TENM2: variants seen among roughly 807,000 people sequenced by gnomAD.
TENM2 encodes the protein teneurin transmembrane protein 2.
TENM2 carries 52 observed loss-of-function variants against 245.2 expected under a neutral mutation model. The observed-to-expected ratio is 0.21, with a 90% CI of 0.17 to 0.27. The LOEUF (loss-of-function observed/expected upper bound fraction) is 0.27. Among genes scored for constraint, TENM2 ranks in the 10% least tolerant of loss-of-function variants. TENM2 has a pLI of 1.00. For missense variants in TENM2, 3,046 were observed against 3,666.8 expected, an observed-to-expected ratio of 0.83 and a Z score of 4.37; for synonymous variants, 1,363 against 1,438.9, an observed-to-expected ratio of 0.95 and a Z score of 1.19.
At chr5:167,186,689 A>G in the TENM2 span, among the ~76,000 whole-genome samples, 1 of 152,206 alleles carries the variant, frequency 6.6e-6, no homozygotes, top group African/African-American at 2.4e-5. Flanking sequence ...TGTGTCCTAT[A>G]TGGAGAAATA....
At chr5:167,897,359 A>C (rs1031623018) in intron 3 of TENM2, among the ~76,000 whole-genome samples, 15 of 152,106 alleles carry the variant, frequency 9.9e-5, no homozygotes, top group Admixed American at 1.3e-4. Context: ...AGTGCTCACA[A>C]TCAAGACAGC....
At chr5:167,762,191 A>T (rs1187445639) in intron 2 of TENM2, among the ~76,000 whole-genome samples, 1 of 152,148 alleles carries the variant, frequency 6.6e-6, no homozygotes, top group Non-Finnish European at 1.5e-5. Flanking sequence ...ACGTGCATGG[A>T]TACGCAGCTC....
chr5:167,219,686 G>A, the TENM2 span, among the ~76,000 whole-genome samples: 5 of 152,216 alleles, frequency 3.3e-5, no homozygotes, highest in Non-Finnish European at 7.3e-5. Flanking sequence ...TTAGTTTAAA[G>A]TATGTGAACC....
the TENM2 span, among the ~76,000 whole-genome samples, chr5:167,207,487 T>A: frequency 3.3e-5 from 5 of 152,242 alleles, no homozygotes; most frequent in Non-Finnish European, 7.3e-5. Flanking sequence ...TTCATTTTTT[T>A]AAAATGCTGT....
chr5:167,296,512 T>C (rs914404297), intron 1 of TENM2: 9 of 151,800 alleles, frequency 5.9e-5, no homozygotes, highest in Non-Finnish European at 1.0e-4. Flanking sequence ...AACTGGAGCA[T>C]TGATGGAAGG....
intron 1 of TENM2, among the ~76,000 whole-genome samples, chr5:167,285,750 A>G (rs1002861562): frequency 2.0e-5 from 3 of 152,232 alleles, no homozygotes; most frequent in African/African-American, 4.8e-5. Context: ...TCCATGTCTT[A>G]CTAGTCCCAG....
At chr5:168,257,505 G>A (rs1203611593) in intron 27 of TENM2, among the ~76,000 whole-genome samples, 4 of 152,334 alleles carry the variant, frequency 2.6e-5, no homozygotes, top group Admixed American at 6.5e-5. Context: ...CAGACAGGTC[G>A]TGGAGAGGGC....
At chr5:167,286,506 G>A (rs1375190916) in intron 1 of TENM2, among the ~76,000 whole-genome samples, 2 of 152,132 alleles carry the variant, frequency 1.3e-5, no homozygotes, top group Non-Finnish European at 1.5e-5. Context: ...CTGAGAGAGA[G>A]CTTACATTTC....
the TENM2 span, among the ~76,000 whole-genome samples, chr5:167,252,586 T>G: frequency 6.6e-6 from 1 of 152,136 alleles, no homozygotes. Context: ...GGGTTATACC[T>G]GGAAACTGTA....
chr5:167,860,043 G>A (rs1359848785), intron 2 of TENM2, among the ~76,000 whole-genome samples: 6 of 92,214 alleles, frequency 6.5e-5, no homozygotes, highest in Admixed American at 4.9e-4. Context: ...CAGCCGCCCC[G>A]TCCGGGAGGG....
At chr5:167,364,534 C>A (rs576222561) in intron 1 of TENM2, among the ~76,000 whole-genome samples, 2 of 151,912 alleles carry the variant, frequency 1.3e-5, no homozygotes, top group South Asian at 4.2e-4. Context: ...AATAACAAGA[C>A]CTAATTATAT....
intron 1 of TENM2, among the ~76,000 whole-genome samples, chr5:167,304,765 G>C (rs1379789525): frequency 6.6e-6 from 1 of 152,032 alleles, no homozygotes; most frequent in South Asian, 2.1e-4. Context: ...TTTTGTTGCT[G>C]TTATTGTTTT....
At chr5:167,486,745 A>G (rs1023838973) in intron 2 of TENM2, among the ~76,000 whole-genome samples, 7 of 152,202 alleles carry the variant, frequency 4.6e-5, no homozygotes, top group African/African-American at 1.7e-4. Context: ...TTACTCAACT[A>G]CTGCATGGCA....
intron 25 of TENM2, among the ~76,000 whole-genome samples, chr5:168,229,146 C>A (rs72835067): frequency 0.039 from 5,768 of 148,378 alleles, 160 homozygotes; most frequent in Non-Finnish European, 0.057. Flanking sequence ...TTTTCAATAG[C>A]CCCACGAGGA....
chr5:167,571,254 C>T (rs1203856398), intron 2 of TENM2, among the ~76,000 whole-genome samples: 1 of 152,108 alleles, frequency 6.6e-6, no homozygotes, highest in African/African-American at 2.4e-5. Flanking sequence ...TAGCCTTACA[C>T]CCATCTTAAG....
chr5:168,158,825 GTGTGTATATATA>G (rs1308084720), intron 12 of TENM2, among the ~76,000 whole-genome samples: 2 of 84,012 alleles, frequency 2.4e-5, no homozygotes, highest in Admixed American at 1.5e-4. Context: ...GTGTGTGTGT[GTGTGTATATATA>G]TATATATATA....
the TENM2 span, among the ~76,000 whole-genome samples, chr5:167,165,787 T>A: frequency 2.0e-4 from 30 of 152,302 alleles, no homozygotes; most frequent in Non-Finnish European, 2.9e-5. Flanking sequence ...GATGTACAAA[T>A]AATCATACCT....
intron 2 of TENM2, among the ~76,000 whole-genome samples, chr5:167,740,257 A>G (rs1244613157): frequency 6.6e-6 from 1 of 152,172 alleles, no homozygotes; most frequent in Non-Finnish European, 1.5e-5. Flanking sequence ...ACCCAGTCAC[A>G]TCGGGTTATG....
chr5:167,067,228 A>G, the TENM2 span, among the ~76,000 whole-genome samples: 6 of 152,276 alleles, frequency 3.9e-5, no homozygotes, highest in South Asian at 1.0e-3. Context: ...GCAAAATAAG[A>G]TTTGAACCTT....
Sources: allele counts gnomAD v4.1 joint callset (sites outside exome capture counted in the v4.1 genomes callset), GRCh38; gene constraint gnomAD v4.1.1; transcripts MANE v1.5; gene names NCBI Gene and HGNC (gene_info 2026-07-23, HGNC 2026-07-21).